AGBL4: variants seen among roughly 807,000 people sequenced by gnomAD.
AGBL4 encodes AGBL carboxypeptidase 4, also known as cytosolic carboxypeptidase 6.
A neutral mutation model predicts 66.4 loss-of-function variants in AGBL4; 58 were observed. That is an observed-to-expected ratio of 0.87 (90% CI 0.71 to 1.09). The LOEUF (loss-of-function observed/expected upper bound fraction) is 1.09, where lower values mean the gene tolerates loss of function less well. AGBL4 is among the 50% of genes least tolerant of loss of function. The probability of loss-of-function intolerance (pLI) is 0.00; values close to 1 mark genes in which losing one functional copy is unlikely to be tolerated. For missense variants in AGBL4, 579 were observed against 631.0 expected, an observed-to-expected ratio of 0.92 and a Z score of 0.88; for synonymous variants, 234 against 222.9, an observed-to-expected ratio of 1.05 and a Z score of -0.44.
chr1:48,820,841 G>A (rs923963294), intron 6 of AGBL4, among the ~76,000 whole-genome samples: 12 of 152,084 alleles, frequency 7.9e-5, no homozygotes, highest in African/African-American at 1.9e-4. Context: ...AAATATTTGC[G>A]AAATATGTGT....
intron 3 of AGBL4, among the ~76,000 whole-genome samples, chr1:49,254,355 T>A (rs974108257): frequency 6.6e-6 from 1 of 152,098 alleles, no homozygotes; most frequent in African/African-American, 2.4e-5. Flanking sequence ...ATCACTAGCA[T>A]TTCTATACCA....
At chr1:48,926,793 T>C (rs1654615250) in intron 5 of AGBL4, among the ~76,000 whole-genome samples, 1 of 152,120 alleles carries the variant, frequency 6.6e-6, no homozygotes, top group African/African-American at 2.4e-5. Flanking sequence ...ATTATAGAAG[T>C]AGAAGTAATG....
chr1:49,241,657 G>A (rs1340468092), intron 4 of AGBL4, among the ~76,000 whole-genome samples: 1 of 151,850 alleles, frequency 6.6e-6, no homozygotes, highest in African/African-American at 2.4e-5. Flanking sequence ...CATAGTTCCT[G>A]GTTCATTTTA....
intron 3 of AGBL4, among the ~76,000 whole-genome samples, chr1:49,514,636 A>G (rs1649602617): frequency 6.6e-6 from 1 of 152,136 alleles, no homozygotes; most frequent in South Asian, 2.1e-4. Context: ...ACTTCAAACT[A>G]TACTACAAGG....
intron 3 of AGBL4, among the ~76,000 whole-genome samples, chr1:49,366,773 T>G (rs1352139997): frequency 1.3e-5 from 2 of 152,190 alleles, no homozygotes; most frequent in African/African-American, 4.8e-5. Flanking sequence ...AAAGAAAGCT[T>G]CTTGCTGCTT....
intron 5 of AGBL4, among the ~76,000 whole-genome samples, chr1:48,873,375 T>C (rs766060934): frequency 6.6e-6 from 1 of 152,210 alleles, no homozygotes; most frequent in Non-Finnish European, 1.5e-5. Context: ...GTTATTTGGC[T>C]CTTAACTCAC....
chr1:49,824,446 G>A (rs1317957059), intron 2 of AGBL4, among the ~76,000 whole-genome samples: 1 of 152,168 alleles, frequency 6.6e-6, no homozygotes, highest in African/African-American at 2.4e-5. Context: ...TCAAATGAAT[G>A]AGATATGGCA....
intron 9 of AGBL4, among the ~76,000 whole-genome samples, chr1:48,597,829 A>C (rs1337732114): frequency 6.6e-6 from 1 of 150,726 alleles, no homozygotes; most frequent in Non-Finnish European, 1.5e-5. Flanking sequence ...AAGAAAGAGA[A>C]AGAGAGAAAA....
chr1:49,809,032 G>C (rs1319919451), intron 2 of AGBL4, among the ~76,000 whole-genome samples: 1 of 152,146 alleles, frequency 6.6e-6, no homozygotes, highest in African/African-American at 2.4e-5. Context: ...GGCAATTGAA[G>C]AAAATCAATC....
chr1:49,771,733 C>A (rs1014842824), intron 2 of AGBL4, among the ~76,000 whole-genome samples: 1 of 152,018 alleles, frequency 6.6e-6, no homozygotes, highest in African/African-American at 2.4e-5. Flanking sequence ...CTCCCTTTAT[C>A]ATAATATAAT....
intron 4 of AGBL4, among the ~76,000 whole-genome samples, chr1:49,236,240 C>T (rs728549): frequency 0.18 from 27,867 of 151,902 alleles, 3,188 homozygotes; most frequent in East Asian, 0.41. Context: ...GTTGGCCAGG[C>T]TGGTCACAAA....
At chr1:49,076,916 C>A (rs1419016246) in intron 4 of AGBL4, among the ~76,000 whole-genome samples, 1 of 152,146 alleles carries the variant, frequency 6.6e-6, no homozygotes, top group Non-Finnish European at 1.5e-5. Flanking sequence ...TTTATGCTGG[C>A]TATTAGTGCT....
chr1:49,629,546 C>A (rs750160597), intron 3 of AGBL4, among the ~76,000 whole-genome samples: 9 of 152,138 alleles, frequency 5.9e-5, no homozygotes, highest in Non-Finnish European at 1.2e-4. Context: ...ATGGACCCAG[C>A]AGACACACTG....
At chr1:48,558,534 G>A (rs1644354189) in intron 11 of AGBL4, among the ~76,000 whole-genome samples, 1 of 152,168 alleles carries the variant, frequency 6.6e-6, no homozygotes, top group Admixed American at 6.5e-5. Context: ...AGTGATTAGT[G>A]ACGTATGGCA....
intron 3 of AGBL4, among the ~76,000 whole-genome samples, chr1:49,687,789 A>T (rs941913102): frequency 9.2e-5 from 14 of 152,280 alleles, no homozygotes; most frequent in South Asian, 2.1e-4. Context: ...AAATAAAAAA[A>T]AAATTAAAAA....
At chr1:49,459,007 T>TCAAAA (rs2148694668) in intron 3 of AGBL4, among the ~76,000 whole-genome samples, 1 of 151,748 alleles carries the variant, frequency 6.6e-6, no homozygotes, top group East Asian at 1.9e-4. Context: ...TCAGGGATAT[T>TCAAAA]GGCTCCTTCC....
At chr1:49,995,339 G>A (rs1660288353) in intron 1 of AGBL4, 4 of 452,506 alleles carry the variant, frequency 8.8e-6, no homozygotes, top group Non-Finnish European at 1.8e-5. Context: ...CAGCCTTTCA[G>A]GCTGCGTTGG....
intron 2 of AGBL4, among the ~76,000 whole-genome samples, chr1:49,724,134 C>A (rs1450252659): frequency 6.6e-6 from 1 of 151,934 alleles, no homozygotes; most frequent in Non-Finnish European, 1.5e-5. Context: ...AGCAAGTAGC[C>A]CAAGAAAAGG....
chr1:49,396,271 G>A (rs1393454401), intron 3 of AGBL4, among the ~76,000 whole-genome samples: 1 of 151,694 alleles, frequency 6.6e-6, no homozygotes, highest in African/African-American at 2.4e-5. Flanking sequence ...AGGGAAATAC[G>A]CAAACATCCC....
Sources: gnomAD v4.1 joint callset for allele counts (sites outside exome capture counted in the v4.1 genomes callset) on GRCh38, gnomAD v4.1.1 for gene constraint, MANE v1.5 for transcripts, NCBI Gene and HGNC (gene_info 2026-07-23, HGNC 2026-07-21) for gene names.